The following IPO5 variants were observed in gnomAD, a reference collection of about 807,000 sequenced individuals.
IPO5 encodes the protein importin 5.
A neutral mutation model predicts 143.3 loss-of-function variants in IPO5; 18 were observed. The ratio of observed to expected loss-of-function variants is 0.13; its 90% CI spans 0.09 to 0.19. The LOEUF is 0.19. Ranked by LOEUF, IPO5 falls within the 10% of genes least tolerant of loss-of-function variation. The probability of loss-of-function intolerance (pLI) is 1.00; values close to 1 mark genes in which losing one functional copy is unlikely to be tolerated. For synonymous variants in IPO5, 477 were observed against 465.7 expected (o/e 1.02, Z -0.31); for missense variants, 1,013 against 1,336.9 (o/e 0.76, Z 3.78).
intron 11 of IPO5, among the ~76,000 whole-genome samples, chr13:97,994,538 T>A (rs1308128993): frequency 6.6e-6 from 1 of 152,186 alleles, no homozygotes; most frequent in Non-Finnish European, 1.5e-5. Flanking sequence ...GTACAAGACA[T>A]ATGGGAAAGT....
At chr13:97,990,388 T>C (rs1887709167) in intron 8 of IPO5, 45 bp from the exon 9 acceptor site, 1 of 1,412,378 alleles carries the variant, frequency 7.1e-7, no homozygotes, top group Non-Finnish European at 9.9e-7. Flanking sequence ...AATTTGCGTT[T>C]ATCAAAAATT....
intron 18 of IPO5, among the ~76,000 whole-genome samples, chr13:98,008,528 C>T (rs541534865): frequency 6.6e-6 from 1 of 152,260 alleles, no homozygotes; most frequent in South Asian, 2.1e-4. Flanking sequence ...TCTCCTAGCC[C>T]TTTGAAGGCT....
At chr13:97,974,222 C>T (rs537712353) in intron 3 of IPO5, among the ~76,000 whole-genome samples, 1 of 152,166 alleles carries the variant, frequency 6.6e-6, no homozygotes, top group South Asian at 2.1e-4. Context: ...AACTGGAGAT[C>T]GGGCCATGCC....
chr13:97,998,325 GTTGTTT>G (rs896393565), intron 12 of IPO5, among the ~76,000 whole-genome samples: 1 of 152,094 alleles, frequency 6.6e-6, no homozygotes, highest in Non-Finnish European at 1.5e-5. Flanking sequence ...CAAGTTTTTT[GTTGTTT>G]TTGTTTTTGT....
At chr13:97,980,904 T>G (rs1886786652) in intron 4 of IPO5, among the ~76,000 whole-genome samples, 1 of 152,088 alleles carries the variant, frequency 6.6e-6, no homozygotes, top group African/African-American at 2.4e-5. Flanking sequence ...TTGATCACAT[T>G]ACCAGTGTTT....
chr13:97,981,544 C>A (rs1886846399), intron 4 of IPO5: 1 of 248,984 alleles, frequency 4.0e-6, no homozygotes, highest in Non-Finnish European at 7.8e-6. Context: ...CCAGAGAAGC[C>A]ACGTATAGAG....
intron 8 of IPO5, 49 bp from the exon 9 acceptor site, chr13:97,990,384 C>G: frequency 7.3e-7 from 1 of 1,374,056 alleles, no homozygotes; most frequent in Non-Finnish European, 1.0e-6. Flanking sequence ...CTTGAATTTG[C>G]GTTTATCAAA....
At chr13:97,989,589 TG>T (rs1566504164) in intron 7 of IPO5, among the ~76,000 whole-genome samples, 1 of 152,220 alleles carries the variant, frequency 6.6e-6, no homozygotes, top group African/African-American at 2.4e-5. Flanking sequence ...TTAAGAAACC[TG>T]TATATTTATA....
rs117542871 is a variant in IPO5, at chr13:98,021,606, T to G, written c.3208-130T>G. 4,673 of 461,008 alleles carry G rather than the reference T, an allele frequency of 0.01. 19 individuals are homozygous for G. Among genetic ancestry groups the G allele is most frequent in the Middle Eastern group, 0.026 (50 of 1,906 alleles). 28.6% of individuals were successfully genotyped at this position (461,008 alleles called of 1,614,324 possible). Reference sequence around the variant, plus strand: ...ATGAACAGATTTCTTGCTTTTACAATGATACTCATCAAAATAATGTACCTA... The same window carrying G: ...ATGAACAGATTTCTTGCTTTTACAAGGATACTCATCAAAATAATGTACCTA... On this transcript the variant is annotated intron_variant, in intron 28 of 28. Transcript: ENST00000651721.
chr13:97,996,610 T>C (rs187364480), intron 11 of IPO5, among the ~76,000 whole-genome samples: 141 of 152,210 alleles, frequency 9.3e-4, no homozygotes, highest in Non-Finnish European at 1.6e-3. Flanking sequence ...AATTTTCTTT[T>C]TTTCTTTTTT....
At chr13:97,969,499 T>C (rs565495906) in intron 2 of IPO5, among the ~76,000 whole-genome samples, 15 of 152,216 alleles carry the variant, frequency 9.9e-5, no homozygotes, top group Non-Finnish European at 2.2e-4. Context: ...AGTATATTTT[T>C]ATTTCAGGTA....
At chr13:97,982,930 G>A (rs1411244839) in intron 5 of IPO5, among the ~76,000 whole-genome samples, 1 of 152,198 alleles carries the variant, frequency 6.6e-6, no homozygotes, top group Non-Finnish European at 1.5e-5. Flanking sequence ...GAGTGCACTG[G>A]CACCATCTCG....
At position 98,008,129 on chromosome 13, in the gene IPO5, A is replaced by T; in HGVS notation, c.1787A>T (p.Asp596Val). 1 of 1,604,432 alleles carries T rather than the reference A, an allele frequency of 6.2e-7. No homozygotes were observed. Among genetic ancestry groups the T allele is most frequent in the Non-Finnish European group, 8.5e-7 (1 of 1,171,160 alleles). The change falls in exon 18 of 29, where the codon GAT (aspartate) becomes GTT (valine). Residue 596 changes from aspartate to valine, a missense_variant. Coordinates refer to ENST00000651721, the MANE Select transcript of IPO5 (RefSeq NM_002271.6). ...KTQTDFNDME[D>V]DDPQISYMIS... Reference sequence around the variant, plus strand: ...CAGACAGACTTCAATGATATGGAAGATGATGATCCTCAGGTAAGTGGTCTT... The same window carrying T: ...CAGACAGACTTCAATGATATGGAAGTTGATGATCCTCAGGTAAGTGGTCTT...
chr13:97,978,919 T>C (rs1197070422), intron 4 of IPO5, among the ~76,000 whole-genome samples: 1 of 152,232 alleles, frequency 6.6e-6, no homozygotes, highest in African/African-American at 2.4e-5. Context: ...AGTACTGTTA[T>C]TCTCTTAGTC....
At chr13:97,985,145 T>C (rs955559065) in intron 5 of IPO5, among the ~76,000 whole-genome samples, 7 of 152,308 alleles carry the variant, frequency 4.6e-5, no homozygotes, top group African/African-American at 1.7e-4. Context: ...TCCCAAATAA[T>C]GTGTTAAAAA....
intron 3 of IPO5, among the ~76,000 whole-genome samples, chr13:97,972,947 C>A (rs529231234): frequency 2.6e-4 from 40 of 152,118 alleles, no homozygotes; most frequent in African/African-American, 8.7e-4. Flanking sequence ...AGGCTCTTTA[C>A]CTTCCACCAT....
rs1476993381 is a variant in IPO5, at chr13:98,006,253, A to G, written c.1621A>G (p.Ile541Val). 4 of 1,613,524 alleles carry G rather than the reference A, an allele frequency of 2.5e-6. No homozygotes were observed. Among genetic ancestry groups the G allele is most frequent in the Admixed American group, 3.3e-5 (2 of 59,978 alleles). ...YDLFMPSLKH[I>V]VENAVQKELR... ...TTTATTTATGCCATCACTGAAGCAC[A>G]TCGTTGAGAATGCGGTTCAAAAAGA... Residue 541 changes from isoleucine to valine, a missense_variant, in exon 17 of 29, where the codon ATC becomes GTC. Physicochemically the swap from Ile to Val is conservative, Grantham distance 29 (BLOSUM62 3). Coordinates refer to ENST00000651721, the MANE Select transcript of IPO5 (RefSeq NM_002271.6).
chr13:98,021,163 G>C lies in IPO5; in HGVS notation c.3207+30G>C, dbSNP rs149965710. On this transcript the variant is annotated intron_variant, in intron 28 of 28. Transcript: ENST00000651721. The stretch of plus-strand genomic sequence containing the variant: ...GCTGATTTGGTTGAATTGGGGAGGG[G>C]GAGATAAAACCTTTTTTTCTTTGTA... The C allele has an allele frequency of 4.5e-4, 699 of 1,567,282 alleles. 2 individuals are homozygous for C. In the African/African-American group the frequency reaches 9.1e-3, roughly 20 times the overall value.
chr13:98,005,107 G>A (rs1889111469), intron 16 of IPO5, among the ~76,000 whole-genome samples: 2 of 151,508 alleles, frequency 1.3e-5, no homozygotes, highest in African/African-American at 4.8e-5. Context: ...ATGTTGGCCA[G>A]TCTGTTCTTG....
Sources: allele counts gnomAD v4.1 joint callset (sites outside exome capture counted in the v4.1 genomes callset), GRCh38; gene constraint gnomAD v4.1.1; transcripts MANE v1.5; gene names NCBI Gene and HGNC (gene_info 2026-07-23, HGNC 2026-07-21).